The following PTDSS1 variants were observed in gnomAD, a reference collection of about 807,000 sequenced individuals.
PTDSS1 encodes phosphatidylserine synthase 1.
A neutral mutation model predicts 70.5 loss-of-function variants in PTDSS1; 45 were observed. That is an observed-to-expected ratio of 0.64 (90% CI 0.50 to 0.82). PTDSS1 has a LOEUF of 0.82. PTDSS1 is among the 40% of genes least tolerant of loss of function. The probability of loss-of-function intolerance (pLI) is 0.00; values close to 1 mark genes in which losing one functional copy is unlikely to be tolerated. For synonymous variants in PTDSS1, 188 were observed against 203.8 expected (o/e 0.92, Z 0.66); for missense variants, 417 against 586.1 (o/e 0.71, Z 2.98).
At chr8:96,314,776 T>C (rs1049108045) in intron 9 of PTDSS1, among the ~76,000 whole-genome samples, 1 of 152,154 alleles carries the variant, frequency 6.6e-6, no homozygotes, top group South Asian at 2.1e-4. Flanking sequence ...TTTTGTATTT[T>C]TAGTAGAGAC....
intron 8 of PTDSS1, 37 bp from the exon 9 acceptor site, chr8:96,309,520 C>T (rs1342174097): frequency 3.8e-6 from 6 of 1,591,236 alleles, no homozygotes; most frequent in Admixed American, 3.3e-5. Context: ...GCTGGTCTTC[C>T]AGCAGCTCTC....
intron 12 of PTDSS1, among the ~76,000 whole-genome samples, chr8:96,331,553 C>A (rs1413843402): frequency 1.3e-5 from 2 of 148,834 alleles, no homozygotes; most frequent in African/African-American, 5.0e-5. Context: ...CCAGTCTCGG[C>A]AGCAGAGTAA....
At chr8:96,300,457 C>T (rs1175223781) in intron 6 of PTDSS1, among the ~76,000 whole-genome samples, 1 of 152,154 alleles carries the variant, frequency 6.6e-6, no homozygotes, top group Non-Finnish European at 1.5e-5. Flanking sequence ...TCACTTGCCA[C>T]CCAGGAAGTT....
chr8:96,319,153 A>G (rs1022580879), intron 9 of PTDSS1, among the ~76,000 whole-genome samples: 5 of 151,692 alleles, frequency 3.3e-5, no homozygotes, highest in African/African-American at 1.2e-4. Context: ...AGTTCAAGTG[A>G]TCCGCTCGCC....
intron 4 of PTDSS1, among the ~76,000 whole-genome samples, chr8:96,289,901 G>C (rs997173815): frequency 1.3e-5 from 2 of 152,112 alleles, no homozygotes; most frequent in African/African-American, 2.4e-5. Flanking sequence ...TTTACTCTAA[G>C]GGAGAGAATG....
chr8:96,315,462 T>C (rs1811274977), intron 9 of PTDSS1, among the ~76,000 whole-genome samples: 1 of 152,062 alleles, frequency 6.6e-6, no homozygotes, highest in Admixed American at 6.5e-5. Context: ...GTTTGGCTCA[T>C]ACACCCAGCT....
intron 5 of PTDSS1, among the ~76,000 whole-genome samples, chr8:96,295,739 A>C (rs1354903332): frequency 6.6e-6 from 1 of 152,244 alleles, no homozygotes; most frequent in Non-Finnish European, 1.5e-5. Flanking sequence ...ACTTAATAAA[A>C]GAGTTATAGT....
chr8:96,308,631 A>G (rs1016131613), intron 8 of PTDSS1, among the ~76,000 whole-genome samples: 1 of 152,248 alleles, frequency 6.6e-6, no homozygotes, highest in African/African-American at 2.4e-5. Flanking sequence ...TCACTCCACA[A>G]TGAAATGTGC....
At position 96,320,439 on chromosome 8, in the gene PTDSS1, G is replaced by A; in HGVS notation, c.1173+94G>A. 8 of 1,071,492 alleles carry A rather than the reference G, an allele frequency of 7.5e-6. No individual in the cohort carries two copies. In the South Asian group the frequency reaches 1.0e-4, roughly 13 times the overall value. 66.4% of individuals were successfully genotyped at this position (1,071,492 alleles called of 1,614,324 possible). Reference sequence around the variant, plus strand: ...CAAAGAAACCCTCTTGTGTATCAAAGTTCCTTAGAAATTCATAAAAAGATG... The same window carrying A: ...CAAAGAAACCCTCTTGTGTATCAAAATTCCTTAGAAATTCATAAAAAGATG... On this transcript the variant is annotated intron_variant, in intron 10 of 12. Coordinates refer to ENST00000517309, the MANE Select transcript of PTDSS1 (RefSeq NM_014754.3).
intron 1 of PTDSS1, among the ~76,000 whole-genome samples, chr8:96,267,644 G>C (rs1251131319): frequency 6.6e-6 from 1 of 152,132 alleles, no homozygotes; most frequent in African/African-American, 2.4e-5. Flanking sequence ...AAATTAGTAT[G>C]GTATGAAAGA....
chr8:96,261,945 C>T lies in PTDSS1; in HGVS notation c.-96C>T, dbSNP rs371987160. 5.3e-6 allele frequency: 7 copies of T among 1,318,608 alleles called. No homozygotes were observed. The highest frequency in any genetic ancestry group is 2.8e-5 in the South Asian group (2 of 70,264). 81.7% of individuals were successfully genotyped at this position (1,318,608 alleles called of 1,614,324 possible). On this transcript the variant is annotated 5_prime_UTR_variant, in exon 1 of 13. Transcript: ENST00000517309. ...TGCTGGGCGCCAGACCCGGCTTTGC[C>T]GTCCGGCTATTAGCCTACTGTGGCT...
chr8:96,282,493 C>T (rs1297534816), intron 2 of PTDSS1, among the ~76,000 whole-genome samples: 1 of 152,136 alleles, frequency 6.6e-6, no homozygotes, highest in Non-Finnish European at 1.5e-5. Context: ...AACCCCTAAC[C>T]ATCTGAGTTC....
rs190779120 is a variant in PTDSS1, at chr8:96,329,350, G to C, written c.1174-863G>C. ...CTTGCAGTGGGGAAGGTGTGGCCGG[G>C]GAGATTCATGGCCCTGCTCTACCGC... On this transcript the variant is annotated intron_variant, in intron 10 of 12. Coordinates refer to ENST00000517309, the MANE Select transcript of PTDSS1 (RefSeq NM_014754.3). Among the ~76,000 whole-genome samples, 868 of 152,254 alleles carry C rather than the reference G, an allele frequency of 5.7e-3. 10 individuals carry two copies. Among genetic ancestry groups the C allele is most frequent in the African/African-American group, 0.02 (826 of 41,530 alleles).
At chr8:96,284,838 G>A (rs947241293) in intron 3 of PTDSS1, among the ~76,000 whole-genome samples, 1 of 152,150 alleles carries the variant, frequency 6.6e-6, no homozygotes, top group African/African-American at 2.4e-5. Context: ...TTTTGCTATA[G>A]GCTGCCTATT....
At chr8:96,304,697 C>T (rs1811099008) in intron 7 of PTDSS1, among the ~76,000 whole-genome samples, 1 of 152,208 alleles carries the variant, frequency 6.6e-6, no homozygotes, top group African/African-American at 2.4e-5. Context: ...AAGTGGCCCA[C>T]TTCACGACGG....
chr8:96,295,030 C>G (rs564121516), intron 4 of PTDSS1, 68 bp from the exon 5 acceptor site: 1 of 1,422,174 alleles, frequency 7.0e-7, no homozygotes, highest in Non-Finnish European at 9.5e-7. Context: ...TTTTATTTAC[C>G]GGCAGAATCC....
In PTDSS1 at chr8:96,262,245, G is replaced by T; in HGVS notation, c.179+26G>T. 6.2e-7 allele frequency: 1 copy of T among 1,601,494 alleles called. No individual in the cohort carries two copies. Among genetic ancestry groups the T allele is most frequent in the Middle Eastern group, 1.7e-4 (1 of 5,936 alleles). ...GTGGGGCGGCCCAGCCGAGCGGGGG[G>T]CGCGTCCAAGGGCTAGGGAAGAGGC... On this transcript the variant is annotated intron_variant, in intron 1 of 12. Transcript: ENST00000517309. This position sits in a 1 kb window ranked among gnomAD's most constrained non-coding sequence, Gnocchi z 4.4.
Position 96,307,176 on chromosome 8 carries a change from T to A in PTDSS1, c.1007+620T>A, listed in dbSNP as rs532266182. 5.3e-5 allele frequency among the ~76,000 whole-genome samples: 8 copies of A among 152,266 alleles called. 1 individual carries two copies. In the South Asian group the frequency reaches 1.7e-3, roughly 32 times the overall value. On this transcript the variant is annotated intron_variant, in intron 8 of 12. Transcript: ENST00000517309. ...GCAAGCATTTTCATTTGTTTCATTT[T>A]TCCTATTTAGAAATGGCATTTGAGT...
At chr8:96,302,483 G>A (rs1811064521) in intron 6 of PTDSS1, among the ~76,000 whole-genome samples, 2 of 152,226 alleles carry the variant, frequency 1.3e-5, no homozygotes, top group South Asian at 4.1e-4. Context: ...GTTTAGGAAT[G>A]ATGTGATACT....
Sources: gnomAD v4.1 joint callset for allele counts (sites outside exome capture counted in the v4.1 genomes callset) on GRCh38, gnomAD v4.1.1 for gene constraint, Gnocchi (gnomAD v3.1) non-coding constraint, MANE v1.5 for transcripts, NCBI Gene and HGNC (gene_info 2026-07-23, HGNC 2026-07-21) for gene names.